TMEM132B: variants seen among roughly 807,000 people sequenced by gnomAD.
The protein encoded by TMEM132B is transmembrane protein 132B.
TMEM132B carries 18 observed loss-of-function variants against 90.8 expected under a neutral mutation model. The observed-to-expected ratio is 0.20, with a 90% CI of 0.14 to 0.29. The LOEUF (loss-of-function observed/expected upper bound fraction) is 0.29, where lower values mean the gene tolerates loss of function less well. Among genes scored for constraint, TMEM132B ranks in the 10% least tolerant of loss-of-function variants. The pLI, the probability that TMEM132B is intolerant of heterozygous loss-of-function variation, is 1.00. For synonymous variants in TMEM132B, 504 were observed against 523.3 expected, an observed-to-expected ratio of 0.96 and a Z score of 0.50; for missense variants, 1,096 against 1,326.8, an observed-to-expected ratio of 0.83 and a Z score of 2.70.
intron 1 of TMEM132B, among the ~76,000 whole-genome samples, chr12:125,192,613 G>GAT (rs1219941048): frequency 1.3e-5 from 2 of 152,172 alleles, no homozygotes; most frequent in Admixed American, 1.3e-4. Context: ...AAAGTGCTGG[G>GAT]ATTATAGGTG....
chr12:125,197,300 G>A (rs1230372903), intron 1 of TMEM132B, among the ~76,000 whole-genome samples: 2 of 152,148 alleles, frequency 1.3e-5, no homozygotes, highest in Non-Finnish European at 2.9e-5. Flanking sequence ...TGGTACAGGT[G>A]TTTTTGTTTT....
chr12:125,272,677 A>G (rs1874871605), intron 1 of TMEM132B, among the ~76,000 whole-genome samples: 1 of 152,198 alleles, frequency 6.6e-6, no homozygotes, highest in Non-Finnish European at 1.5e-5. Context: ...AATTGTCTCC[A>G]TGGCAATGGG....
At chr12:125,612,579 A>G (rs1246009889) in intron 5 of TMEM132B, among the ~76,000 whole-genome samples, 4 of 144,650 alleles carry the variant, frequency 2.8e-5, no homozygotes, top group Non-Finnish European at 6.0e-5. Context: ...TATATAAAAT[A>G]TATATTATAT....
chr12:125,564,790 G>C (rs564038621), intron 4 of TMEM132B, among the ~76,000 whole-genome samples: 8 of 152,326 alleles, frequency 5.3e-5, no homozygotes, highest in African/African-American at 1.9e-4. Context: ...CTAGAACCCA[G>C]GCATTCAAAA....
chr12:125,328,729 G>C (rs1466724710), intron 1 of TMEM132B, among the ~76,000 whole-genome samples: 2 of 152,152 alleles, frequency 1.3e-5, no homozygotes, highest in African/African-American at 2.4e-5. Flanking sequence ...TCCAAGTAAG[G>C]TTCCAGGTGG....
At chr12:125,524,269 A>G (rs1262481650) in intron 4 of TMEM132B, among the ~76,000 whole-genome samples, 4 of 152,264 alleles carry the variant, frequency 2.6e-5, no homozygotes, top group Non-Finnish European at 5.9e-5. Context: ...ATGTATGTAA[A>G]GGGAAAATGT....
At chr12:125,486,348 G>T (rs968480299) in intron 3 of TMEM132B, among the ~76,000 whole-genome samples, 1 of 152,176 alleles carries the variant, frequency 6.6e-6, no homozygotes, top group Non-Finnish European at 1.5e-5. Flanking sequence ...ATAGTGTATT[G>T]GTTATGAGTA....
chr12:125,411,738 G>A (rs914704043), intron 2 of TMEM132B, among the ~76,000 whole-genome samples: 3 of 152,088 alleles, frequency 2.0e-5, no homozygotes, highest in African/African-American at 7.2e-5. Context: ...GTGTCATGGG[G>A]CCGATCATCC....
Position 125,415,767 on chromosome 12 carries a change from A to G in TMEM132B, c.1106+90A>G. 6.8e-7 allele frequency: 1 copy of G among 1,474,028 alleles called. No individual in the cohort carries two copies. The highest frequency in any genetic ancestry group is 2.4e-5 in the East Asian group (1 of 41,884). The allele number at this position is 1,474,028 out of a possible 1,614,324, so 91.3% of individuals were successfully genotyped here. On this transcript the variant is annotated intron_variant, in intron 3 of 8. Coordinates refer to ENST00000682704, the MANE Select transcript of TMEM132B (RefSeq NM_001366854.1). The surrounding 1 kb of genome is among the most constrained non-coding windows in gnomAD (Gnocchi z 5.3). ...TAGCAAAATAATGTGCGTGTGGATA[A>G]AGCGATGCCTCTGCGTTTAATGAGA...
At chr12:125,500,549 A>C (rs1361124724) in intron 3 of TMEM132B, among the ~76,000 whole-genome samples, 2 of 152,218 alleles carry the variant, frequency 1.3e-5, no homozygotes, top group Non-Finnish European at 2.9e-5. Context: ...TGAGGACATG[A>C]TAATCTGAGG....
rs1280698633 is a variant in TMEM132B at position 125,407,923 on chromosome 12, A to G, written c.960-7608A>G. ...CTGTAACCTACATGCAGAAGAGTCC[A>G]CATAAGCGAGCACAGACTGATGAGT... On this transcript the variant is annotated intron_variant, in intron 2 of 8. Coordinates refer to ENST00000682704, the MANE Select transcript of TMEM132B (RefSeq NM_001366854.1). The surrounding 1 kb of genome is among the most constrained non-coding windows in gnomAD (Gnocchi z 6.7). Among the ~76,000 whole-genome samples, 1 of 152,212 alleles carries G rather than the reference A, an allele frequency of 6.6e-6. No homozygotes were observed. Among genetic ancestry groups the G allele is most frequent in the Non-Finnish European group, 1.5e-5 (1 of 68,032 alleles).
chr12:125,589,208 C>T (rs1367931715), intron 5 of TMEM132B, among the ~76,000 whole-genome samples: 1 of 151,940 alleles, frequency 6.6e-6, no homozygotes, highest in African/African-American at 2.4e-5. Flanking sequence ...TGAGGCCGGG[C>T]ACGGTGGCTC....
intron 1 of TMEM132B, among the ~76,000 whole-genome samples, chr12:125,333,117 T>G (rs1316451213): frequency 6.6e-6 from 1 of 152,210 alleles, no homozygotes; most frequent in Admixed American, 6.5e-5. Context: ...GTTTTCCAGC[T>G]TTTGGTGTTG....
intron 4 of TMEM132B, among the ~76,000 whole-genome samples, chr12:125,569,732 C>A (rs574481187): frequency 6.6e-6 from 1 of 152,066 alleles, no homozygotes; most frequent in Non-Finnish European, 1.5e-5. Flanking sequence ...GGAACCAGCA[C>A]GGGAGCTCCT....
intron 3 of TMEM132B, among the ~76,000 whole-genome samples, chr12:125,493,774 A>G (rs1426945882): frequency 6.8e-6 from 1 of 148,128 alleles, no homozygotes; most frequent in Non-Finnish European, 1.5e-5. Context: ...GATGTACCCT[A>G]CCTCCCCCTC....
chr12:125,366,683 G>C (rs1456890493), intron 2 of TMEM132B, among the ~76,000 whole-genome samples: 2 of 152,124 alleles, frequency 1.3e-5, no homozygotes, highest in Non-Finnish European at 2.9e-5. Flanking sequence ...TTGTTGTGTA[G>C]TTAAATTTGT....
intron 4 of TMEM132B, among the ~76,000 whole-genome samples, chr12:125,527,264 G>A (rs373961411): frequency 2.1e-3 from 52 of 24,880 alleles, no homozygotes; most frequent in Admixed American, 2.4e-3. Context: ...CCATCCACCC[G>A]TTTACCCTTC....
chr12:125,602,930 G>A (rs1166331683), intron 5 of TMEM132B, among the ~76,000 whole-genome samples: 1 of 152,122 alleles, frequency 6.6e-6, no homozygotes, highest in African/African-American at 2.4e-5. Context: ...TCTTCAAGGA[G>A]AACTACAAAC....
Position 125,406,857 on chromosome 12 carries a change from T to A in TMEM132B, c.960-8674T>A, listed in dbSNP as rs1156734. Among the ~76,000 whole-genome samples, 2 of 152,048 alleles carry A rather than the reference T, an allele frequency of 1.3e-5. No homozygotes were observed. Among genetic ancestry groups the A allele is most frequent in the East Asian group, 1.9e-4 (1 of 5,168 alleles). On this transcript the variant is annotated intron_variant, in intron 2 of 8. Coordinates refer to ENST00000682704, the MANE Select transcript of TMEM132B (RefSeq NM_001366854.1). This position sits in a 1 kb window ranked among gnomAD's most constrained non-coding sequence, Gnocchi z 8.3. ...ACGCTGTTGTACTTATAAATATTGT[T>A]TATTCTAGTGAAAGGATACAAACTG...
Sources: gnomAD v4.1 joint callset for allele counts (sites outside exome capture counted in the v4.1 genomes callset) on GRCh38, gnomAD v4.1.1 for gene constraint, Gnocchi (gnomAD v3.1) non-coding constraint, MANE v1.5 for transcripts, NCBI Gene and HGNC (gene_info 2026-07-23, HGNC 2026-07-21) for gene names.